Variants in KIF15 observed in about 807,000 individuals in gnomAD.
KIF15 encodes kinesin-like protein KIF15.
Under a neutral mutation model 190.6 loss-of-function variants are expected in KIF15, and 140 were observed. The observed-to-expected ratio is 0.73, with a 90% CI of 0.64 to 0.84. The LOEUF is 0.84. Among genes scored for constraint, KIF15 ranks in the 40% least tolerant of loss-of-function variants. The pLI is 0.00. For missense variants in KIF15, 1,372 were observed against 1,584.4 expected (o/e 0.87, Z 2.28); for synonymous variants, 528 against 551.3 (o/e 0.96, Z 0.59).
intron 30 of KIF15, among the ~76,000 whole-genome samples, chr3:44,845,552 G>T (rs551574505): frequency 6.2e-4 from 94 of 152,180 alleles, no homozygotes; most frequent in African/African-American, 2.1e-3. Flanking sequence ...TGGCCCCTGT[G>T]GTGGCTGAGG....
In KIF15 at chr3:44,840,376, G is replaced by A. The variant is rs767732518; in HGVS notation, c.3340G>A (p.Val1114Ile). ...QHKLNQKKEE[V>I]EQKKNEYNFK... Reference sequence around the variant, plus strand: ...CCAGCTAAACCAAAAGAAAGAGGAAGTAGAACAGAAGAAGAATGAATATAA... The same window carrying A: ...CCAGCTAAACCAAAAGAAAGAGGAAATAGAACAGAAGAAGAATGAATATAA... Residue 1114 changes from valine (V) to isoleucine (I), a missense_variant, in exon 28 of 35, where the codon GTA becomes ATA. Val to Ile is a conservative substitution (Grantham distance 29, BLOSUM62 3). Transcript: ENST00000326047. The A allele has an allele frequency of 3.1e-6, 5 of 1,607,410 alleles. No homozygotes were observed. Among genetic ancestry groups the A allele is most frequent in the Non-Finnish European group, 4.2e-6 (5 of 1,176,782 alleles).
At chr3:44,778,658 C>CTATA (rs983435483) in intron 4 of KIF15, among the ~76,000 whole-genome samples, 1 of 151,690 alleles carries the variant, frequency 6.6e-6, no homozygotes, top group African/African-American at 2.4e-5. Flanking sequence ...ATCTGTCTAT[C>CTATA]TATATATATA....
At position 44,762,727 on chromosome 3, in the gene KIF15, C is replaced by A. The variant is rs142071061; in HGVS notation, c.19+843C>A. 3.9e-3 allele frequency among the ~76,000 whole-genome samples: 594 copies of A among 152,230 alleles called. 5 individuals are homozygous for A. The highest frequency in any genetic ancestry group is 0.014 in the African/African-American group (571 of 41,538). Reference sequence around the variant, plus strand: ...TTTCTAGCTTTCTGTCAATTGTAGTCGTTTTTGATGGGTTTGTTGTTTCAT... The same window carrying A: ...TTTCTAGCTTTCTGTCAATTGTAGTAGTTTTTGATGGGTTTGTTGTTTCAT... On this transcript the variant is annotated intron_variant, in intron 1 of 34. Coordinates refer to ENST00000326047, the MANE Select transcript of KIF15 (RefSeq NM_020242.3).
downstream of KIF15, among the ~76,000 whole-genome samples, chr3:44,855,850 A>G (rs115404198): frequency 0.019 from 2,834 of 152,298 alleles, 76 homozygotes; most frequent in African/African-American, 0.063. Flanking sequence ...ATTAGAGAGC[A>G]TCCAAGGGGA....
intron 25 of KIF15, among the ~76,000 whole-genome samples, chr3:44,830,314 A>T (rs140014733): frequency 6.6e-6 from 1 of 152,260 alleles, no homozygotes; most frequent in Non-Finnish European, 1.5e-5. Context: ...GGTTTCACTG[A>T]TCTGGGACAA....
rs1201322323 is a variant in KIF15 at position 44,761,804 on chromosome 3, G to A, written c.-62G>A. 5.6e-6 allele frequency: 9 copies of A among 1,611,178 alleles called. No individual in the cohort carries two copies. The highest frequency in any genetic ancestry group is 6.8e-6 in the Non-Finnish European group (8 of 1,177,482). On this transcript the variant is annotated 5_prime_UTR_variant, in exon 1 of 35. Coordinates refer to ENST00000326047, the MANE Select transcript of KIF15 (RefSeq NM_020242.3). ...GAGCGGGCGGAATTCAGTCGCGCGC[G>A]GTGCAGTCGGGAGGTGGAGGCACCG...
At chr3:44,827,818 G>T (rs1348087725) in intron 23 of KIF15, among the ~76,000 whole-genome samples, 2 of 152,080 alleles carry the variant, frequency 1.3e-5, no homozygotes, top group African/African-American at 4.8e-5. Context: ...GAGTAGCTGG[G>T]ACTATGGGCA....
chr3:44,841,984 A>C (rs2125716272), intron 29 of KIF15, among the ~76,000 whole-genome samples: 1 of 152,364 alleles, frequency 6.6e-6, no homozygotes, highest in Admixed American at 6.5e-5. Flanking sequence ...TGAAGGTGAG[A>C]GCATGTTTCC....
At chr3:44,827,764 C>A (rs754172512) in intron 23 of KIF15, among the ~76,000 whole-genome samples, 4 of 152,056 alleles carry the variant, frequency 2.6e-5, no homozygotes, top group African/African-American at 4.8e-5. Context: ...CTCACTGTAG[C>A]CTTGACTTCC....
At chr3:44,854,974 C>G (rs1344092596), downstream of KIF15, among the ~76,000 whole-genome samples, 1 of 152,152 alleles carries the variant, frequency 6.6e-6, no homozygotes, top group Admixed American at 6.5e-5. Context: ...TTCAACATAT[C>G]TTTTTAAGGG....
At chr3:44,795,662 T>G (rs537263013) in intron 8 of KIF15, among the ~76,000 whole-genome samples, 1 of 137,102 alleles carries the variant, frequency 7.3e-6, no homozygotes, top group Non-Finnish European at 1.5e-5. Flanking sequence ...CTATGTAATA[T>G]GTATTGTCAA....
chr3:44,763,179 T>G (rs1575564672), intron 1 of KIF15, among the ~76,000 whole-genome samples: 7 of 152,322 alleles, frequency 4.6e-5, no homozygotes, highest in Admixed American at 6.5e-5. Context: ...GACTTCCCAG[T>G]TAAAGTGCTT....
intron 24 of KIF15, 128 bp downstream of exon 24, chr3:44,828,428 G>T: frequency 1.6e-6 from 1 of 608,588 alleles, no homozygotes; most frequent in Non-Finnish European, 2.9e-6. Flanking sequence ...TCTATATGCA[G>T]TTAAGCCTTG....
Position 44,808,611 on chromosome 3 carries a change from A to T in KIF15, c.1972-2235A>T, listed in dbSNP as rs200930399. ...TGTTTTGCTTTTTTTTTTTTTTTTAAAAAAAAACGGTCATTCTTCATGTGT... is the reference window on the plus strand; with the variant it reads ...TGTTTTGCTTTTTTTTTTTTTTTTATAAAAAAACGGTCATTCTTCATGTGT... On this transcript the variant is annotated intron_variant, in intron 16 of 34. Transcript: ENST00000326047. Among the ~76,000 whole-genome samples, 756 of 140,640 alleles carry T rather than the reference A, an allele frequency of 5.4e-3. 7 individuals are homozygous for T. The highest frequency in any genetic ancestry group is 0.021 in the East Asian group (99 of 4,656). The allele number at this position is 140,640 out of a possible 152,430, so 92.3% of individuals were successfully genotyped here.
At chr3:44,842,628 G>A (rs185881912) in intron 29 of KIF15, among the ~76,000 whole-genome samples, 113 of 152,256 alleles carry the variant, frequency 7.4e-4, no homozygotes, top group African/African-American at 2.7e-3. Flanking sequence ...AGAAGAAACT[G>A]GGTCAGGTGA....
chr3:44,852,868 G>A lies in KIF15; in HGVS notation c.*133G>A, dbSNP rs929271778. ...ATTATTAAATGTTTATAAGGTGGTG[G>A]TAACCACCTCAAGTTTCTGATGAAC... On this transcript the variant is annotated 3_prime_UTR_variant, in exon 35 of 35. Coordinates refer to ENST00000326047, the MANE Select transcript of KIF15 (RefSeq NM_020242.3). 3.2e-6 allele frequency: 2 copies of A among 628,706 alleles called. No homozygotes were observed. The highest frequency in any genetic ancestry group is 5.2e-6 in the Non-Finnish European group (2 of 383,612). 38.9% of individuals were successfully genotyped at this position (628,706 alleles called of 1,614,324 possible).
downstream of KIF15, among the ~76,000 whole-genome samples, chr3:44,856,180 GGTGTCTACCCATCCAGTGAAA>G (rs773691534): frequency 2.1e-3 from 323 of 152,296 alleles, no homozygotes; most frequent in Non-Finnish European, 4.2e-3. Flanking sequence ...CTGTGGGAAA[GGTGTCTACCCATCCAGTGAAA>G]GTGTCTACCC....
intron 30 of KIF15, among the ~76,000 whole-genome samples, chr3:44,844,443 A>G (rs1292772796): frequency 2.0e-5 from 3 of 152,226 alleles, no homozygotes; most frequent in Non-Finnish European, 2.9e-5. Flanking sequence ...TATGCTCCAT[A>G]TATGTCCAAT....
chr3:44,839,976 T>C (rs572131166), intron 27 of KIF15, among the ~76,000 whole-genome samples: 2 of 152,346 alleles, frequency 1.3e-5, no homozygotes, highest in African/African-American at 2.4e-5. Context: ...CGAATAATGC[T>C]TCAGAGAACA....
Sources: gnomAD v4.1 joint callset for allele counts (sites outside exome capture counted in the v4.1 genomes callset) on GRCh38, gnomAD v4.1.1 for gene constraint, MANE v1.5 for transcripts, NCBI Gene and HGNC (gene_info 2026-07-23, HGNC 2026-07-21) for gene names.